Variants in ZNF473 observed in about 807,000 individuals in gnomAD.
The protein encoded by ZNF473 is zinc finger protein 473.
ZNF473 carries 4 observed loss-of-function variants against 11.1 expected under a neutral mutation model. The observed-to-expected ratio is 0.36, with a 90% confidence interval of 0.18 to 0.82. The LOEUF (loss-of-function observed/expected upper bound fraction) is 0.82. Ranked by LOEUF, ZNF473 falls within the 40% of genes least tolerant of loss-of-function variation. ZNF473 has a pLI of 0.49. For synonymous variants in ZNF473, 404 were observed against 390.4 expected, an observed-to-expected ratio of 1.03 and a Z score of -0.41; for missense variants, 854 against 1,084.0, an observed-to-expected ratio of 0.79 and a Z score of 2.98.
chr19:50,032,895 T>G (rs1478602335), intron 2 of ZNF473, among the ~76,000 whole-genome samples: 1 of 152,192 alleles, frequency 6.6e-6, no homozygotes, highest in Non-Finnish European at 1.5e-5. Context: ...ATCTTCACAT[T>G]GTCTTCCCTC....
At chr19:50,029,209 C>T (rs1197388299) in intron 1 of ZNF473, among the ~76,000 whole-genome samples, 2 of 152,220 alleles carry the variant, frequency 1.3e-5, no homozygotes, top group African/African-American at 4.8e-5. Flanking sequence ...ATGGCGCCAT[C>T]TCGGCTCACT....
intron 3 of ZNF473, chr19:50,040,459 G>C (rs1468393448): frequency 6.6e-6 from 1 of 152,278 alleles, no homozygotes. Context: ...TGTTTGCACA[G>C]TTTAGGTCCA....
chr19:50,038,214 TTATA>T (rs1978576375), intron 2 of ZNF473, among the ~76,000 whole-genome samples: 2 of 147,324 alleles, frequency 1.4e-5, no homozygotes, highest in Middle Eastern at 3.6e-3. Flanking sequence ...ATATATATAA[TTATA>T]TATAAAATAA....
intron 4 of ZNF473, among the ~76,000 whole-genome samples, chr19:50,044,298 G>A (rs61062719): frequency 0.02 from 3,096 of 152,280 alleles, 103 homozygotes; most frequent in African/African-American, 0.071. Flanking sequence ...ATGGATGGTG[G>A]TGTGGGGAGA....
chr19:50,046,878 A>G lies in ZNF473; in HGVS notation c.2435A>G (p.Lys812Arg). The G allele has an allele frequency of 6.2e-7, 1 of 1,614,206 alleles. No homozygotes were observed. Among genetic ancestry groups the G allele is most frequent in the South Asian group, 1.1e-5 (1 of 91,086 alleles). The change falls in exon 5 of 5, where the codon AAG becomes AGG. Residue 812 changes from lysine to arginine, a missense_variant. Physicochemically the swap from Lys to Arg is conservative, Grantham distance 26. This residue lies in a region of ZNF473 where 186 missense variants were observed against 293.8 expected (regional missense o/e 0.63). Coordinates refer to ENST00000270617, the MANE Select transcript of ZNF473 (RefSeq NM_015428.4). The surrounding 1 kb of genome is among the most constrained non-coding windows in gnomAD (Gnocchi z 5.9). ...TQHQRIHTGEKPYSCNVCGKA... is the reference protein window; with the variant it reads ...TQHQRIHTGERPYSCNVCGKA... ...CACCAGAGAATTCACACAGGGGAGAAGCCTTACTCCTGTAATGTGTGTGGC... is the reference window on the plus strand; with the variant it reads ...CACCAGAGAATTCACACAGGGGAGAGGCCTTACTCCTGTAATGTGTGTGGC...
intron 2 of ZNF473, among the ~76,000 whole-genome samples, chr19:50,037,803 A>ACTCTCTCTCTCTCTCGCTCG (rs1555734673): frequency 5.4e-5 from 8 of 148,724 alleles, no homozygotes; most frequent in African/African-American, 2.0e-4. Flanking sequence ...AGAGTGAGAC[A>ACTCTCTCTCTCTCTCGCTCG]CTCTCTCTCT....
At chr19:50,036,887 CT>C (rs1475639356) in intron 2 of ZNF473, among the ~76,000 whole-genome samples, 2 of 152,148 alleles carry the variant, frequency 1.3e-5, no homozygotes, top group South Asian at 4.1e-4. Context: ...AATTTCTTTT[CT>C]TTATAAATTA....
intron 4 of ZNF473, 97 bp downstream of exon 4, chr19:50,041,916 A>C (rs1008109041): frequency 1.0e-6 from 1 of 967,756 alleles, no homozygotes; most frequent in African/African-American, 1.7e-5. Context: ...CCGAGACATT[A>C]CAACGCTCAG....
In ZNF473 at chr19:50,048,297, CA is replaced by C. The variant is rs1330301177; in HGVS notation, c.*1239del. 2.0e-5 allele frequency: 3 copies of C among 152,242 alleles called. No individual in the cohort carries two copies. The highest frequency in any genetic ancestry group is 2.9e-5 in the Non-Finnish European group (2 of 68,054). 9.4% of individuals were successfully genotyped at this position (152,242 alleles called of 1,614,324 possible). A position where few individuals can be genotyped will look rare whatever the true frequency, so the allele number is the denominator to read the frequency against. ...GTTCCCTGCCACTAAGTGGCTCAGT[CA>C]CACCTTTGCTGAAACACAGTAGTCT... is the stretch of plus-strand genomic sequence containing the variant. On this transcript the variant is annotated 3_prime_UTR_variant, in exon 5 of 5. Coordinates refer to ENST00000270617, the MANE Select transcript of ZNF473 (RefSeq NM_015428.4).
intron 1 of ZNF473, among the ~76,000 whole-genome samples, chr19:50,029,806 T>C (rs527597149): frequency 6.6e-6 from 1 of 152,282 alleles, no homozygotes; most frequent in South Asian, 2.1e-4. Flanking sequence ...TATTGCTTCA[T>C]GAAGCTTTTG....
chr19:50,038,202 TTATA>T (rs201882735), intron 2 of ZNF473, among the ~76,000 whole-genome samples: 3 of 147,108 alleles, frequency 2.0e-5, no homozygotes, highest in Non-Finnish European at 4.5e-5. Flanking sequence ...AATTTATAAA[TTATA>T]TATATAATTA....
Position 50,031,001 on chromosome 19 carries a change from G to T in ZNF473, c.-82G>T, listed in dbSNP as rs1293840959. ...AGGGAGGCTTTCTCACAGCTCCCTT[G>T]TGCTTCCCACAGCCCTGCCAGCCGG... On this transcript the variant is annotated 5_prime_UTR_variant, in exon 2 of 5. Transcript: ENST00000270617. 1 of 1,545,362 alleles carries T rather than the reference G, an allele frequency of 6.5e-7. No homozygotes were observed. Among genetic ancestry groups the T allele is most frequent in the Non-Finnish European group, 8.8e-7 (1 of 1,142,030 alleles).
rs1019346242 is a variant in ZNF473 at position 50,048,245 on chromosome 19, C to T, written c.*1186C>T. On this transcript the variant is annotated 3_prime_UTR_variant, in exon 5 of 5. Transcript: ENST00000270617. ...ATGGAACCACACAACCAGTTCCCTACCAGTGTCTTGTCAGCTCTGGGTGTT... is the reference window on the plus strand; with the variant it reads ...ATGGAACCACACAACCAGTTCCCTATCAGTGTCTTGTCAGCTCTGGGTGTT... 1 of 152,244 alleles carries T rather than the reference C, an allele frequency of 6.6e-6. No homozygotes were observed. Among genetic ancestry groups the T allele is most frequent in the African/African-American group, 2.4e-5 (1 of 41,454 alleles). 9.4% of individuals were successfully genotyped at this position (152,244 alleles called of 1,614,324 possible). A position where few individuals can be genotyped will look rare whatever the true frequency, so the allele number is the denominator to read the frequency against.
intron 1 of ZNF473, among the ~76,000 whole-genome samples, chr19:50,029,873 A>G (rs181676899): frequency 1.3e-5 from 2 of 150,602 alleles, no homozygotes; most frequent in Admixed American, 1.3e-4. Context: ...CTTTTTTGAG[A>G]TGGAGTCTCA....
intron 2 of ZNF473, 25 bp downstream of exon 2, chr19:50,031,116 A>G: frequency 6.4e-7 from 1 of 1,562,612 alleles, no homozygotes; most frequent in African/African-American, 1.4e-5. Flanking sequence ...GCTCTGTCCT[A>G]ATCGGTCACA....
chr19:50,034,635 T>G (rs958712536), intron 2 of ZNF473, among the ~76,000 whole-genome samples: 11 of 152,224 alleles, frequency 7.2e-5, no homozygotes, highest in Non-Finnish European at 1.3e-4. Context: ...CCCCTTCTTG[T>G]TTTTTAATGT....
intron 4 of ZNF473, 99 bp downstream of exon 4, chr19:50,041,918 A>T (rs1003215049): frequency 3.2e-6 from 3 of 943,476 alleles, no homozygotes; most frequent in Non-Finnish European, 4.8e-6. Context: ...GAGACATTAC[A>T]ACGCTCAGCT....
intron 1 of ZNF473, among the ~76,000 whole-genome samples, chr19:50,029,634 C>T (rs990691119): frequency 2.0e-5 from 3 of 152,188 alleles, no homozygotes; most frequent in Non-Finnish European, 2.9e-5. Context: ...GCTACTTGGT[C>T]CACGCAGTGG....
At chr19:50,037,159 G>T (rs868196954) in intron 2 of ZNF473, among the ~76,000 whole-genome samples, 13 of 152,226 alleles carry the variant, frequency 8.5e-5, no homozygotes, top group Admixed American at 3.9e-4. Context: ...CCCCTTTGTC[G>T]AGCTCTTCCT....
Sources: gnomAD v4.1 joint callset for allele counts (sites outside exome capture counted in the v4.1 genomes callset) on GRCh38, gnomAD v4.1.1 for gene constraint, gnomAD v4.1.1 regional missense constraint, Gnocchi (gnomAD v3.1) non-coding constraint, MANE v1.5 for transcripts, NCBI Gene and HGNC (gene_info 2026-07-23, HGNC 2026-07-21) for gene names.